The following BICC1 variants were observed in gnomAD, a reference collection of about 807,000 sequenced individuals.
The protein encoded by BICC1 is BicC family RNA binding protein 1.
In BICC1, 43 loss-of-function variants were observed where a neutral mutation model predicts 111.0. That is an observed-to-expected ratio of 0.39 (90% CI 0.30 to 0.50). BICC1 has a LOEUF of 0.50. BICC1 is among the 20% of genes least tolerant of loss of function. The pLI is 0.88. For missense variants in BICC1, 1,091 were observed against 1,203.2 expected (o/e 0.91, Z 1.38); for synonymous variants, 467 against 434.4 (o/e 1.07, Z -0.93).
At chr10:58,594,437 G>T (rs1289424518) in intron 1 of BICC1, among the ~76,000 whole-genome samples, 2 of 152,110 alleles carry the variant, frequency 1.3e-5, no homozygotes, top group Admixed American at 6.6e-5. Context: ...GATTCTCCAA[G>T]TTGAAATGAG....
chr10:58,796,724 T>G (rs541413814), intron 10 of BICC1, among the ~76,000 whole-genome samples, 198 bp downstream of exon 10: 1 of 152,316 alleles, frequency 6.6e-6, no homozygotes, highest in East Asian at 1.9e-4. Context: ...CCCAGATTCT[T>G]CCCATGTTTG....
intron 3 of BICC1, among the ~76,000 whole-genome samples, chr10:58,769,489 C>G (rs1842564927): frequency 6.7e-6 from 1 of 148,862 alleles, no homozygotes; most frequent in African/African-American, 2.5e-5. Context: ...AGCTTGAAAA[C>G]TCACCATTTT....
intron 3 of BICC1, among the ~76,000 whole-genome samples, chr10:58,722,336 G>A (rs981613911): frequency 6.6e-5 from 10 of 152,150 alleles, no homozygotes; most frequent in African/African-American, 1.2e-4. Context: ...TTATTCTAGC[G>A]GAGAAGGAAT....
intron 2 of BICC1, among the ~76,000 whole-genome samples, chr10:58,680,695 A>G (rs573709604): frequency 4.6e-5 from 7 of 152,344 alleles, no homozygotes; most frequent in Admixed American, 2.0e-4. Flanking sequence ...ATGTGGAACC[A>G]AAAAGAGCCT....
At chr10:58,715,860 T>C in intron 3 of BICC1, 1 of 1,207,300 alleles carries the variant, frequency 8.3e-7, no homozygotes, top group Non-Finnish European at 1.2e-6. Context: ...AGAAATCTGA[T>C]AGGTATTCAT....
chr10:58,792,412 C>T (rs1843210337), intron 8 of BICC1, among the ~76,000 whole-genome samples: 1 of 152,120 alleles, frequency 6.6e-6, no homozygotes, highest in African/African-American at 2.4e-5. Flanking sequence ...TCCTCAATCC[C>T]CGGGACAAGG....
At chr10:58,743,114 G>T (rs536476701) in intron 3 of BICC1, among the ~76,000 whole-genome samples, 1 of 152,298 alleles carries the variant, frequency 6.6e-6, no homozygotes, top group East Asian at 1.9e-4. Context: ...AGGCATTCGG[G>T]TGGTGGTGGT....
intron 2 of BICC1, among the ~76,000 whole-genome samples, chr10:58,654,087 G>A (rs1838545072): frequency 7.2e-6 from 1 of 138,336 alleles, no homozygotes; most frequent in Admixed American, 7.4e-5. Flanking sequence ...ATCATTGTTG[G>A]ACATTTGGGT....
chr10:58,515,354 A>G (rs1842214965), intron 1 of BICC1, among the ~76,000 whole-genome samples: 1 of 152,158 alleles, frequency 6.6e-6, no homozygotes, highest in South Asian at 2.1e-4. Context: ...TAGTTACACA[A>G]ACCTAGGTTG....
In BICC1 at chr10:58,821,821, A is replaced by C. The variant is rs187886073; in HGVS notation, c.2794+1353A>C. On this transcript the variant is annotated intron_variant, in intron 20 of 20. Transcript: ENST00000373886. ...ACTTATGCTAAGTCATGAGTCCTTG[A>C]GTGAGTTTCCAAACCTCTCTTGGCT... Among the ~76,000 whole-genome samples, 106 of 152,218 alleles carry C rather than the reference A, an allele frequency of 7.0e-4. 1 individual carries two copies. In the East Asian group the frequency reaches 7.7e-3, roughly 11 times the overall value.
chr10:58,646,356 A>T (rs1838269273), intron 2 of BICC1, among the ~76,000 whole-genome samples: 1 of 152,206 alleles, frequency 6.6e-6, no homozygotes, highest in Non-Finnish European at 1.5e-5. Flanking sequence ...CAAAATATTT[A>T]TCCTGACTTG....
At chr10:58,564,196 A>G (rs1267442309) in intron 1 of BICC1, among the ~76,000 whole-genome samples, 1 of 152,144 alleles carries the variant, frequency 6.6e-6, no homozygotes, top group Non-Finnish European at 1.5e-5. Context: ...TGTTTAAAAA[A>G]TTAAATGGTT....
intron 3 of BICC1, chr10:58,716,244 C>T: frequency 6.7e-7 from 1 of 1,492,726 alleles, no homozygotes; most frequent in Non-Finnish European, 9.1e-7. Flanking sequence ...ATAAGAAACA[C>T]AGTAAGAAGA....
chr10:58,661,612 T>C (rs1225446065), intron 2 of BICC1, among the ~76,000 whole-genome samples: 4 of 152,178 alleles, frequency 2.6e-5, no homozygotes, highest in African/African-American at 7.2e-5. Flanking sequence ...AATTAAGGTA[T>C]AGAGTTACCT....
intron 3 of BICC1, among the ~76,000 whole-genome samples, chr10:58,717,975 T>G (rs1781095664): frequency 6.6e-6 from 1 of 152,204 alleles, no homozygotes; most frequent in African/African-American, 2.4e-5. Context: ...AAACCTCATG[T>G]TGTCATATGC....
At chr10:58,736,200 A>G (rs768102706) in intron 3 of BICC1, among the ~76,000 whole-genome samples, 6 of 152,194 alleles carry the variant, frequency 3.9e-5, no homozygotes, top group East Asian at 1.9e-4. Context: ...GATCAGTTCT[A>G]TGTGGTCAAT....
At chr10:58,516,575 G>A (rs749528959) in intron 1 of BICC1, among the ~76,000 whole-genome samples, 3 of 152,026 alleles carry the variant, frequency 2.0e-5, no homozygotes, top group Non-Finnish European at 4.4e-5. Flanking sequence ...TGTAAGTGAA[G>A]ATTATCAGTT....
chr10:58,709,091 A>G (rs1303079334), intron 3 of BICC1, among the ~76,000 whole-genome samples: 1 of 152,166 alleles, frequency 6.6e-6, no homozygotes, highest in Non-Finnish European at 1.5e-5. Flanking sequence ...TAGCTATTTG[A>G]AAATATATAA....
chr10:58,514,064 A>C (rs1842176357), intron 1 of BICC1, among the ~76,000 whole-genome samples: 5 of 152,190 alleles, frequency 3.3e-5, no homozygotes, highest in Admixed American at 3.3e-4. Context: ...TTAACTCTTT[A>C]ATTTCTTTGG....
Sources: gnomAD v4.1 joint callset for allele counts (sites outside exome capture counted in the v4.1 genomes callset) on GRCh38, gnomAD v4.1.1 for gene constraint, MANE v1.5 for transcripts, NCBI Gene and HGNC (gene_info 2026-07-23, HGNC 2026-07-21) for gene names.